LRRC37B: variants seen among roughly 807,000 people sequenced by gnomAD.
The protein encoded by LRRC37B is leucine rich repeat containing 37B, also known as leucine-rich repeat-containing protein 37B.
A neutral mutation model predicts 98.3 loss-of-function variants in LRRC37B; 28 were observed. The observed-to-expected ratio is 0.28, with a 90% confidence interval of 0.21 to 0.39. The LOEUF is 0.39. Among genes scored for constraint, LRRC37B ranks in the 10% least tolerant of loss-of-function variants. The pLI is 1.00. For synonymous variants in LRRC37B, 364 were observed against 442.7 expected, an observed-to-expected ratio of 0.82 and a Z score of 2.23; for missense variants, 938 against 1,182.7, an observed-to-expected ratio of 0.79 and a Z score of 3.03.
intron 7 of LRRC37B, among the ~76,000 whole-genome samples, chr17:32,043,260 C>T (rs1329910472): frequency 6.6e-6 from 1 of 152,208 alleles, no homozygotes; most frequent in Non-Finnish European, 1.5e-5. Context: ...AAATCAAAAG[C>T]TGGAGGCAGG....
At chr17:32,031,891 T>C (rs1031248829) in intron 5 of LRRC37B, among the ~76,000 whole-genome samples, 1 of 151,972 alleles carries the variant, frequency 6.6e-6, no homozygotes, top group African/African-American at 2.4e-5. Flanking sequence ...TTTTGCTCCC[T>C]GGAGGACTTT....
chr17:32,041,718 C>T (rs555468312), intron 7 of LRRC37B: 84 of 457,678 alleles, frequency 1.8e-4, no homozygotes, highest in South Asian at 7.9e-4. Flanking sequence ...TGGGTGGGGA[C>T]GCTTGTTTAA....
At chr17:32,013,213 C>T (rs879363522) in intron 1 of LRRC37B, among the ~76,000 whole-genome samples, 1 of 152,058 alleles carries the variant, frequency 6.6e-6, no homozygotes, top group Admixed American at 6.6e-5. Context: ...CCATGTTGCC[C>T]AGGCTGGTCT....
At chr17:32,030,101 A>G (rs949901227) in intron 3 of LRRC37B, among the ~76,000 whole-genome samples, 6 of 152,188 alleles carry the variant, frequency 3.9e-5, no homozygotes, top group African/African-American at 1.4e-4. Flanking sequence ...TTCATGAAAT[A>G]TTAAAGCAAT....
upstream of LRRC37B, chr17:32,007,743 G>A: frequency 5.0e-6 from 6 of 1,193,860 alleles, no homozygotes; most frequent in Non-Finnish European, 6.2e-6. This position sits in a 1 kb window ranked among gnomAD's most constrained non-coding sequence, Gnocchi z 4.1. Context: ...GTAGTAGCCG[G>A]GGCAGGTGGG....
rs183536221 is a variant in LRRC37B, at chr17:32,041,146, G to A, written c.2205-4554G>A. On this transcript the variant is annotated intron_variant, in intron 7 of 11. Transcript: ENST00000327564. The stretch of plus-strand genomic sequence containing the variant: ...GACGAGCTGGCAGAGAAGCTCAAGC[G>A]CAGGATGCGGGAAGCTTCCTCACGC... The A allele has an allele frequency of 7.4e-4, 569 of 769,770 alleles. 4 individuals are homozygous for A. The African/African-American group carries it at 8.3e-3, about 11-fold the overall frequency. 47.7% of individuals were successfully genotyped at this position (769,770 alleles called of 1,614,324 possible). A position where few individuals can be genotyped will look rare whatever the true frequency, so the allele number is the denominator to read the frequency against.
exon 1 of LRRC37B, chr17:32,022,397 A>G (rs774200613): frequency 1.2e-6 from 2 of 1,613,634 alleles, no homozygotes; most frequent in South Asian, 1.1e-5. Context: ...CCACAGTTCA[A>G]CCTCTGGACC....
intron 7 of LRRC37B, chr17:32,040,947 G>A: frequency 2.1e-6 from 2 of 955,166 alleles, no homozygotes; most frequent in Non-Finnish European, 3.5e-6. Context: ...GAAGCGGCAG[G>A]GCAAGATCCC....
intron 8 of LRRC37B, among the ~76,000 whole-genome samples, 155 bp downstream of exon 11, chr17:32,045,973 G>C (rs1195515525): frequency 2.0e-5 from 3 of 152,164 alleles, no homozygotes; most frequent in Non-Finnish European, 4.4e-5. Flanking sequence ...TGACTCCCTT[G>C]CTGGGAGTCA....
chr17:32,012,355 T>C (rs549720424), intron 1 of LRRC37B, among the ~76,000 whole-genome samples: 17 of 152,368 alleles, frequency 1.1e-4, no homozygotes, highest in Non-Finnish European at 2.9e-5. Flanking sequence ...TTTTGTCCTC[T>C]TGATGATTAT....
chr17:32,041,083 C>T (rs562007843), intron 7 of LRRC37B: 5 of 765,044 alleles, frequency 6.5e-6, no homozygotes, highest in East Asian at 2.5e-5. Flanking sequence ...CTGGCGGAGG[C>T]GCAGCTGAAC....
At position 32,034,999 on chromosome 17, in the gene LRRC37B, C is replaced by G. The variant is rs377406353; in HGVS notation, c.2129+18C>G. 101 of 1,492,574 alleles carry G rather than the reference C, an allele frequency of 6.8e-5. No homozygotes were observed. Among genetic ancestry groups the G allele is most frequent in the Non-Finnish European group, 8.5e-5 (92 of 1,080,860 alleles). 92.5% of individuals were successfully genotyped at this position (1,492,574 alleles called of 1,614,324 possible). A position where few individuals can be genotyped will look rare whatever the true frequency, so the allele number is the denominator to read the frequency against. On this transcript the variant is annotated intron_variant, in intron 6 of 11. Transcript: ENST00000327564. ...AAATATCTGTAAGTACTATAGTACT[C>G]TCATGAGTCATGAGATGATTTATGC...
At chr17:32,037,732 C>G (rs909268537) in intron 7 of LRRC37B, among the ~76,000 whole-genome samples, 1 of 152,154 alleles carries the variant, frequency 6.6e-6, no homozygotes, top group African/African-American at 2.4e-5. Context: ...AATCTGTTCC[C>G]ATATTTTAAT....
chr17:32,047,600 A>C, intron 8 of LRRC37B, 161 bp from the exon 12 acceptor site: 2 of 1,027,340 alleles, frequency 1.9e-6, no homozygotes, highest in Non-Finnish European at 2.9e-6. Flanking sequence ...CGTTGTTGCC[A>C]TTTCATAGGT....
upstream of LRRC37B, chr17:32,017,100 C>A (rs1187475011): frequency 1.3e-5 from 2 of 152,186 alleles, no homozygotes; most frequent in Non-Finnish European, 2.9e-5. Context: ...GCAAAGGTAT[C>A]CCTTGCACAC....
At chr17:32,030,408 A>G (rs1023287692) in intron 3 of LRRC37B, among the ~76,000 whole-genome samples, 1 of 151,382 alleles carries the variant, frequency 6.6e-6, no homozygotes, top group East Asian at 1.9e-4. Context: ...AATCAAGTCT[A>G]CTGCTCTCAG....
At chr17:32,021,248 G>A (rs1410034629) in exon 1 of LRRC37B, 8 of 1,612,560 alleles carry the variant, frequency 5.0e-6, no homozygotes, top group East Asian at 4.5e-5. Context: ...TCAAGGACCC[G>A]CTCCAGCTGA....
At chr17:32,029,788 AGTG>A (rs1156747030) in intron 3 of LRRC37B, among the ~76,000 whole-genome samples, 9 of 152,336 alleles carry the variant, frequency 5.9e-5, no homozygotes, top group Admixed American at 5.9e-4. Flanking sequence ...TTATCACAGC[AGTG>A]CTGTAAGATG....
chr17:32,037,888 A>C (rs1051440026), intron 7 of LRRC37B, among the ~76,000 whole-genome samples: 3 of 151,968 alleles, frequency 2.0e-5, no homozygotes, highest in Non-Finnish European at 4.4e-5. Context: ...CGGGTGGATC[A>C]CAAGGTCAGG....
Sources: allele counts gnomAD v4.1 joint callset (sites outside exome capture counted in the v4.1 genomes callset), GRCh38; gene constraint gnomAD v4.1.1; non-coding constraint Gnocchi (gnomAD v3.1); transcripts MANE v1.5; gene names NCBI Gene and HGNC (gene_info 2026-07-23, HGNC 2026-07-21).